DGKH: variants seen among roughly 807,000 people sequenced by gnomAD.
DGKH encodes DAG kinase eta.
Under a neutral mutation model 159.3 loss-of-function variants are expected in DGKH, and 90 were observed. The observed-to-expected ratio is 0.57, with a 90% confidence interval of 0.48 to 0.67. DGKH has a LOEUF of 0.67. DGKH is among the 30% of genes least tolerant of loss of function. The probability of loss-of-function intolerance (pLI) is 0.00; values close to 1 mark genes in which losing one functional copy is unlikely to be tolerated. For missense variants in DGKH, 1,181 were observed against 1,506.1 expected (o/e 0.78, Z 3.57); for synonymous variants, 536 against 553.8 (o/e 0.97, Z 0.45).
At chr13:42,183,111 G>C (rs34028145) in intron 13 of DGKH, among the ~76,000 whole-genome samples, 17,939 of 151,988 alleles carry the variant, frequency 0.12, 1,558 homozygotes, top group East Asian at 0.41. Flanking sequence ...CAACATAGTG[G>C]AATCCCATCT....
chr13:42,218,613 AT>A (rs773666321), intron 26 of DGKH, among the ~76,000 whole-genome samples: 1 of 150,196 alleles, frequency 6.7e-6, no homozygotes, highest in Non-Finnish European at 1.5e-5. Flanking sequence ...GGCTCAAGCA[AT>A]TCTCTTGCCT....
At chr13:42,109,404 C>T (rs140268598) in intron 1 of DGKH, among the ~76,000 whole-genome samples, 23 of 152,284 alleles carry the variant, frequency 1.5e-4, no homozygotes, top group Admixed American at 6.5e-4. Context: ...GAACCCAGGC[C>T]GTACCTCTGC....
intron 24 of DGKH, among the ~76,000 whole-genome samples, chr13:42,211,908 A>G (rs774887855): frequency 1.1e-4 from 16 of 151,980 alleles, no homozygotes; most frequent in Non-Finnish European, 2.1e-4. Flanking sequence ...GGAAAAACTC[A>G]CCCCCATGAT....
chr13:42,227,909 G>C (rs920931847), intron 29 of DGKH, among the ~76,000 whole-genome samples: 1 of 152,046 alleles, frequency 6.6e-6, no homozygotes, highest in African/African-American at 2.4e-5. Flanking sequence ...GTGGATATTT[G>C]GAATCTTTAA....
intron 27 of DGKH, 51 bp from the exon 28 acceptor site, chr13:42,219,635 T>C (rs1594231767): frequency 2.4e-5 from 4 of 164,958 alleles, no homozygotes; most frequent in African/African-American, 9.8e-5. Flanking sequence ...AGAGTAGGTT[T>C]TTCTCCTTTT....
chr13:42,130,105 A>C (rs9566927), intron 3 of DGKH, among the ~76,000 whole-genome samples: 1 of 152,204 alleles, frequency 6.6e-6, no homozygotes, highest in African/African-American at 2.4e-5. Flanking sequence ...TTCTGATCAC[A>C]GATCACATTG....
At chr13:42,213,726 A>G (rs347416) in intron 24 of DGKH, among the ~76,000 whole-genome samples, 85,715 of 151,996 alleles carry the variant, frequency 0.56, 25,110 homozygotes, top group African/African-American at 0.72. Flanking sequence ...ATATTTCTCC[A>G]TGAAGCTGTC....
chr13:42,247,953 T>C (rs1023780570), intron 29 of DGKH, among the ~76,000 whole-genome samples: 1 of 152,216 alleles, frequency 6.6e-6, no homozygotes, highest in African/African-American at 2.4e-5. Flanking sequence ...AATGTTTCAG[T>C]AAGCTAATAT....
At chr13:42,218,675 A>C (rs1240944826) in intron 26 of DGKH, among the ~76,000 whole-genome samples, 1 of 151,768 alleles carries the variant, frequency 6.6e-6, no homozygotes, top group Non-Finnish European at 1.5e-5. Flanking sequence ...TGCCTAACTA[A>C]TTTTTGTATT....
rs781776376 is a variant in DGKH at position 42,198,573 on chromosome 13, A to G, written c.2263A>G (p.Ile755Val). 5.6e-6 allele frequency: 9 copies of G among 1,612,470 alleles called. No homozygotes were observed. In the South Asian group the frequency reaches 9.9e-5, roughly 18 times the overall value. The change falls in exon 18 of 30, where the codon ATT becomes GTT. Residue 755 changes from isoleucine (I) to valine (V), a missense_variant. By Grantham distance (29) the Ile-to-Val change is conservative. Coordinates refer to ENST00000337343, the MANE Select transcript of DGKH (RefSeq NM_178009.5). Reference protein sequence around the residue: ...NIDPFGATPFIDPDLDSVDGY... With the variant: ...NIDPFGATPFVDPDLDSVDGY... ...TGATCCTTTTGGTGCCACGCCGTTT[A>G]TTGACCCGGATCTAGATTCCGTGTA...
chr13:42,249,994 G>A (rs61959414), intron 29 of DGKH, among the ~76,000 whole-genome samples: 6,419 of 147,934 alleles, frequency 0.043, 187 homozygotes, highest in South Asian at 0.17. Context: ...TTTTTTAGAT[G>A]GAGTCTTGCT....
intron 1 of DGKH, among the ~76,000 whole-genome samples, chr13:42,055,361 T>C (rs1881676838): frequency 6.6e-6 from 1 of 152,232 alleles, no homozygotes; most frequent in South Asian, 2.1e-4. Context: ...AAATATAGAC[T>C]GGAAATTCTG....
chr13:42,124,060 T>G (rs1955125634), intron 1 of DGKH, among the ~76,000 whole-genome samples: 1 of 152,222 alleles, frequency 6.6e-6, no homozygotes, highest in Admixed American at 6.5e-5. Flanking sequence ...TTGTAAATTT[T>G]TTTTCCTGTA....
At chr13:42,206,602 C>T (rs1163031147) in intron 21 of DGKH, among the ~76,000 whole-genome samples, 3 of 150,812 alleles carry the variant, frequency 2.0e-5, no homozygotes, top group Non-Finnish European at 4.4e-5. Context: ...ATCAAGGTGT[C>T]AGCTGGGCTG....
At chr13:42,103,939 A>G (rs898560865) in intron 1 of DGKH, among the ~76,000 whole-genome samples, 1 of 152,178 alleles carries the variant, frequency 6.6e-6, no homozygotes, top group Admixed American at 6.5e-5. Context: ...TACGGATTAG[A>G]TGGTAGGAAC....
Position 42,159,263 on chromosome 13 carries a change from T to TTTTTTTTTTTTTTTTTTA in DGKH, c.623-3_623-2insTTTTTTTTTTTTTTTTTA. The TTTTTTTTTTTTTTTTTTA allele has an allele frequency of 1.9e-5, 24 of 1,249,714 alleles. No homozygotes were observed. Among genetic ancestry groups the TTTTTTTTTTTTTTTTTTA allele is most frequent in the South Asian group, 2.7e-5 (2 of 72,780 alleles). 77.4% of individuals were successfully genotyped at this position (1,249,714 alleles called of 1,614,324 possible). On this transcript the variant is annotated splice_polypyrimidine_tract_variant and splice_region_variant and intron_variant, in intron 5 of 29. Transcript: ENST00000337343. Reference sequence around the variant, plus strand: ...GTTGCTCTTTTTTTTTTTTTTTTTTTAGTGTGTAAATTCAAGGCTCACAAA... The same window carrying TTTTTTTTTTTTTTTTTTA: ...GTTGCTCTTTTTTTTTTTTTTTTTTTTTTTTTTTTTTTTTTTTAAGTGTGTAAATTCAAGGCTCACAAA...
chr13:42,206,235 G>T (rs949096815), intron 21 of DGKH, 89 bp downstream of exon 21: 9 of 728,312 alleles, frequency 1.2e-5, no homozygotes, highest in African/African-American at 1.8e-5. Context: ...TTGAATAGTA[G>T]TTTAATTTCA....
At position 42,178,118 on chromosome 13, in the gene DGKH, A is replaced by G; in HGVS notation, c.1453-17A>G. The G allele has an allele frequency of 1.9e-6, 3 of 1,597,308 alleles. No individual in the cohort carries two copies. In the South Asian group the frequency reaches 3.4e-5, roughly 18 times the overall value. On this transcript the variant is annotated splice_polypyrimidine_tract_variant and intron_variant, in intron 12 of 29. Transcript: ENST00000337343. ...TGCCAGCAACAATAATACAGTGTAGAGTTTTCTTTTCTTCAGATGACGATT... is the reference window on the plus strand; with the variant it reads ...TGCCAGCAACAATAATACAGTGTAGGGTTTTCTTTTCTTCAGATGACGATT...
At chr13:42,069,840 A>G (rs957616923) in intron 1 of DGKH, 2 of 883,498 alleles carry the variant, frequency 2.3e-6, no homozygotes, top group African/African-American at 1.7e-5. Context: ...CAGCAGAGTA[A>G]TTGGTATGGA....
Sources: allele counts gnomAD v4.1 joint callset (sites outside exome capture counted in the v4.1 genomes callset), GRCh38; gene constraint gnomAD v4.1.1; transcripts MANE v1.5; gene names NCBI Gene and HGNC (gene_info 2026-07-23, HGNC 2026-07-21).